The following BLTP1 variants were observed in gnomAD, a reference collection of about 807,000 sequenced individuals.
The protein encoded by BLTP1 is fragile site-associated protein.
the BLTP1 span, chr4:122,333,718 T>C: frequency 1.1e-5 from 17 of 1,612,356 alleles, no homozygotes; most frequent in Non-Finnish European, 1.4e-5. Context: ...ACCACCCATT[T>C]AATGACCGGC....
chr4:122,270,335 G>A, the BLTP1 span: 1 of 984,424 alleles, frequency 1.0e-6, no homozygotes, highest in Non-Finnish European at 1.2e-6. Flanking sequence ...CATGGAAGAA[G>A]AGGGAAAAAT....
At chr4:122,205,833 A>T in the BLTP1 span, 1 of 289,502 alleles carries the variant, frequency 3.5e-6, no homozygotes, top group Non-Finnish European at 5.1e-6. Flanking sequence ...AATTTTATGT[A>T]CATGGTATTG....
chr4:122,246,208 G>C, the BLTP1 span: 1 of 1,607,004 alleles, frequency 6.2e-7, no homozygotes. Context: ...CAATAGGAAC[G>C]ACTAACCAAG....
the BLTP1 span, chr4:122,223,947 G>A: frequency 1.9e-5 from 18 of 928,716 alleles, no homozygotes; most frequent in East Asian, 1.2e-4. Context: ...CTCTGAATAC[G>A]TTAGAAATGT....
the BLTP1 span, chr4:122,185,194 A>G: frequency 1.0e-6 from 1 of 982,882 alleles, no homozygotes; most frequent in Non-Finnish European, 1.2e-6. Flanking sequence ...CCAAGTGATG[A>G]TAAAATCAGA....
chr4:122,186,170 G>A, the BLTP1 span: 1 of 1,612,584 alleles, frequency 6.2e-7, no homozygotes, highest in South Asian at 1.1e-5. Flanking sequence ...TAAGAAAGAT[G>A]ATGATAAAAC....
chr4:122,156,724 T>G, the BLTP1 span, among the ~76,000 whole-genome samples: 384 of 152,324 alleles, frequency 2.5e-3, 1 homozygote, highest in Middle Eastern at 0.014. Flanking sequence ...TAAGCACATG[T>G]TTATTTGCTG....
At chr4:122,327,415 A>G in the BLTP1 span, among the ~76,000 whole-genome samples, 4 of 151,672 alleles carry the variant, frequency 2.6e-5, no homozygotes, top group African/African-American at 7.3e-5. Flanking sequence ...TTTTATATGT[A>G]TTATTTTTTA....
At chr4:122,320,800 T>G in the BLTP1 span, among the ~76,000 whole-genome samples, 8 of 152,088 alleles carry the variant, frequency 5.3e-5, no homozygotes, top group Admixed American at 2.0e-4. Context: ...TTTAAAGTGA[T>G]TAATGATAGC....
At chr4:122,322,182 G>T in the BLTP1 span, among the ~76,000 whole-genome samples, 4 of 150,794 alleles carry the variant, frequency 2.7e-5, no homozygotes, top group East Asian at 7.8e-4. Context: ...ACATTTTGTA[G>T]TTGTCCCACA....
the BLTP1 span, chr4:122,154,249 C>G: frequency 1.1e-6 from 1 of 885,474 alleles, no homozygotes; most frequent in Non-Finnish European, 1.3e-6. Flanking sequence ...GATCTTGGCT[C>G]ACTGCAAGCT....
chr4:122,203,914 G>A, the BLTP1 span: 3 of 424,902 alleles, frequency 7.1e-6, no homozygotes, highest in Non-Finnish European at 9.4e-6. Context: ...AATTATACTT[G>A]TTTCTTCAAA....
chr4:122,209,914 G>A, the BLTP1 span: 2 of 1,612,996 alleles, frequency 1.2e-6, no homozygotes, highest in Non-Finnish European at 1.7e-6. Context: ...ATGAACAGCT[G>A]AAACAATCAT....
At chr4:122,355,373 TTCAA>T in the BLTP1 span, among the ~76,000 whole-genome samples, 1 of 151,962 alleles carries the variant, frequency 6.6e-6, no homozygotes, top group Non-Finnish European at 1.5e-5. Context: ...GAGTGAAGTG[TTCAA>T]TCTATGGAGC....
the BLTP1 span, among the ~76,000 whole-genome samples, chr4:122,188,752 T>A: frequency 6.6e-6 from 1 of 152,116 alleles, no homozygotes. Context: ...TTTTTGTGTG[T>A]GTAAAGGATA....
the BLTP1 span, chr4:122,247,635 C>T: frequency 4.1e-6 from 5 of 1,207,798 alleles, no homozygotes; most frequent in Non-Finnish European, 4.2e-6. Flanking sequence ...GTGTTTTTTC[C>T]ATGCTATTTA....
chr4:122,300,221 G>A, the BLTP1 span, among the ~76,000 whole-genome samples: 1 of 151,974 alleles, frequency 6.6e-6, no homozygotes, highest in Non-Finnish European at 1.5e-5. Context: ...TGTTGGCCAG[G>A]CTAGTCCCGA....
the BLTP1 span, chr4:122,188,122 C>T: frequency 2.1e-6 from 3 of 1,399,560 alleles, no homozygotes; most frequent in Admixed American, 8.6e-5. Flanking sequence ...TAAAAAACTT[C>T]TTATAGGTAA....
At chr4:122,338,492 A>T in the BLTP1 span, among the ~76,000 whole-genome samples, 1,040 of 152,138 alleles carry the variant, frequency 6.8e-3, 11 homozygotes, top group African/African-American at 0.024. Context: ...GTCTCTAAAA[A>T]AACAAAAACC....
Sources: gnomAD v4.1 joint callset for allele counts (sites outside exome capture counted in the v4.1 genomes callset) on GRCh38, gnomAD v4.1.1 for gene constraint, MANE v1.5 for transcripts, NCBI Gene and HGNC (gene_info 2026-07-23, HGNC 2026-07-21) for gene names.